Variants in PPARG observed in about 807,000 individuals in gnomAD.
PPARG encodes the protein peroxisome proliferator-activated receptor gamma.
A neutral mutation model predicts 39.2 loss-of-function variants in PPARG; 17 were observed. The ratio of observed to expected loss-of-function variants is 0.43; its 90% confidence interval spans 0.30 to 0.65. The LOEUF (loss-of-function observed/expected upper bound fraction) is 0.65. Ranked by LOEUF, PPARG falls within the 30% of genes least tolerant of loss-of-function variation. PPARG has a pLI of 0.13. For missense variants in PPARG, 406 were observed against 585.9 expected, an observed-to-expected ratio of 0.69 and a Z score of 3.17; for synonymous variants, 223 against 215.7, an observed-to-expected ratio of 1.03 and a Z score of -0.30.
At chr3:12,298,096 G>A (rs1255541522) in intron 1 of PPARG, among the ~76,000 whole-genome samples, 5 of 150,904 alleles carry the variant, frequency 3.3e-5, no homozygotes, top group Admixed American at 2.0e-4. Flanking sequence ...TCAGGAGATC[G>A]AGACCATCCC....
At chr3:12,289,953 T>G (rs1020334227) in intron 1 of PPARG, among the ~76,000 whole-genome samples, 6 of 152,168 alleles carry the variant, frequency 3.9e-5, no homozygotes, top group African/African-American at 1.4e-4. Context: ...AATATTCACT[T>G]TAATATACGA....
At chr3:12,424,087 A>G (rs2051355706) in intron 7 of PPARG, among the ~76,000 whole-genome samples, 1 of 152,204 alleles carries the variant, frequency 6.6e-6, no homozygotes, top group Non-Finnish European at 1.5e-5. Context: ...TGAGTTATCT[A>G]GAAATGTCCC....
chr3:12,366,953 A>G (rs553480880), intron 2 of PPARG, among the ~76,000 whole-genome samples: 1 of 152,286 alleles, frequency 6.6e-6, no homozygotes, highest in East Asian at 1.9e-4. Context: ...ATTCTGAAAG[A>G]GATTTCAGAG....
At chr3:12,366,678 A>G (rs1269751654) in intron 2 of PPARG, among the ~76,000 whole-genome samples, 1 of 152,108 alleles carries the variant, frequency 6.6e-6, no homozygotes, top group Non-Finnish European at 1.5e-5. Flanking sequence ...TCTTTAGGCT[A>G]TGGGTGTGAT....
chr3:12,327,940 TG>T (rs1323250536), intron 2 of PPARG: 12 of 676,816 alleles, frequency 1.8e-5, no homozygotes, highest in Non-Finnish European at 3.2e-5. Flanking sequence ...CTTTACAAAA[TG>T]TGTGTATGGA....
At chr3:12,413,397 A>T (rs928607877) in intron 6 of PPARG, among the ~76,000 whole-genome samples, 1 of 152,202 alleles carries the variant, frequency 6.6e-6, no homozygotes, top group Admixed American at 6.5e-5. Flanking sequence ...AATGCAGTGA[A>T]AACAGTATAA....
At chr3:12,392,904 G>A in intron 5 of PPARG, 152 bp downstream of exon 5, 1 of 1,066,252 alleles carries the variant, frequency 9.4e-7, no homozygotes, top group Non-Finnish European at 1.4e-6. Context: ...TCTCTTTTAG[G>A]TCAGTGTTTT....
intron 3 of PPARG, 103 bp downstream of exon 3, chr3:12,380,034 G>C (rs1029356986): frequency 7.9e-6 from 8 of 1,009,130 alleles, no homozygotes; most frequent in Non-Finnish European, 1.2e-5. Context: ...AAATCTAATA[G>C]AGAAGGCATT....
intron 7 of PPARG, among the ~76,000 whole-genome samples, chr3:12,428,608 G>A (rs1171379753): frequency 1.3e-5 from 2 of 152,240 alleles, no homozygotes; most frequent in Admixed American, 6.5e-5. Context: ...ATGGATTTCT[G>A]TGGCACAACT....
At chr3:12,293,923 T>C (rs532420750) in intron 1 of PPARG, among the ~76,000 whole-genome samples, 1 of 152,322 alleles carries the variant, frequency 6.6e-6, no homozygotes, top group African/African-American at 2.4e-5. Context: ...TCTTTGAATT[T>C]GAATGTCTTT....
intron 2 of PPARG, among the ~76,000 whole-genome samples, chr3:12,372,483 G>T (rs1018634503): frequency 6.6e-6 from 1 of 152,162 alleles, no homozygotes; most frequent in Non-Finnish European, 1.5e-5. Flanking sequence ...CGGGCTGGTT[G>T]TGAGGATTAA....
At chr3:12,406,132 GTT>G (rs1287260681) in intron 6 of PPARG, 51 bp downstream of exon 6, 1 of 1,569,402 alleles carries the variant, frequency 6.4e-7, no homozygotes, top group Non-Finnish European at 8.7e-7. Context: ...GTTGTTTTGG[GTT>G]TTTGTTTCTT....
chr3:12,389,162 T>G (rs184019490), intron 4 of PPARG, among the ~76,000 whole-genome samples: 145 of 152,346 alleles, frequency 9.5e-4, no homozygotes, highest in Non-Finnish European at 1.6e-3. Context: ...ATGTTTGTTT[T>G]TACTTTTGCC....
At chr3:12,429,282 T>C (rs2051567901) in intron 7 of PPARG, among the ~76,000 whole-genome samples, 1 of 152,154 alleles carries the variant, frequency 6.6e-6, no homozygotes, top group African/African-American at 2.4e-5. Flanking sequence ...GAGAGGCCAG[T>C]TCCATGACAC....
At chr3:12,432,667 G>A (rs1317334461) in intron 7 of PPARG, among the ~76,000 whole-genome samples, 1 of 152,078 alleles carries the variant, frequency 6.6e-6, no homozygotes, top group African/African-American at 2.4e-5. Flanking sequence ...AAATGAGAAA[G>A]GTTAATGCTG....
intron 1 of PPARG, among the ~76,000 whole-genome samples, chr3:12,304,460 G>C (rs2047008173): frequency 6.6e-6 from 1 of 152,132 alleles, no homozygotes; most frequent in African/African-American, 2.4e-5. Context: ...GGAAATTCTA[G>C]AATGTTTTTA....
At chr3:12,328,917 A>G (rs1319446277) in intron 2 of PPARG, among the ~76,000 whole-genome samples, 2 of 152,184 alleles carry the variant, frequency 1.3e-5, no homozygotes. Flanking sequence ...TCCAAAAGGA[A>G]GTTCAACAGT....
intron 6 of PPARG, among the ~76,000 whole-genome samples, chr3:12,408,500 G>A (rs553615129): frequency 1.7e-4 from 26 of 151,296 alleles, no homozygotes; most frequent in African/African-American, 5.1e-4. Flanking sequence ...TAAAAGGATT[G>A]CTGAAAAGGA....
chr3:12,359,804 A>G (rs1057120208), intron 2 of PPARG, among the ~76,000 whole-genome samples: 1 of 151,092 alleles, frequency 6.6e-6, no homozygotes, highest in Non-Finnish European at 1.5e-5. Flanking sequence ...CCTCCCGAGT[A>G]ACTGGGATTA....
Sources: allele counts gnomAD v4.1 joint callset (sites outside exome capture counted in the v4.1 genomes callset), GRCh38; gene constraint gnomAD v4.1.1; transcripts MANE v1.5; gene names NCBI Gene and HGNC (gene_info 2026-07-23, HGNC 2026-07-21).